Variants in KIF4A observed in about 807,000 individuals in gnomAD.
The protein encoded by KIF4A is chromosome-associated kinesin KIF4A.
A neutral mutation model predicts 105.9 loss-of-function variants in KIF4A; 7 were observed. That is an observed-to-expected ratio of 0.07 (90% CI 0.04 to 0.12). The LOEUF (loss-of-function observed/expected upper bound fraction) is 0.12, where lower values mean the gene tolerates loss of function less well. Ranked by LOEUF, KIF4A falls within the 10% of genes least tolerant of loss-of-function variation. KIF4A has a pLI of 1.00. For synonymous variants in KIF4A, 281 were observed against 331.3 expected (o/e 0.85, Z 1.65); for missense variants, 558 against 929.2 (o/e 0.60, Z 5.19).
intron 7 of KIF4A, among the ~76,000 whole-genome samples, chrX:70,305,254 AAGG>A (rs755293873): frequency 7.2e-5 from 8 of 111,793 alleles, no homozygotes; most frequent in Non-Finnish European, 1.5e-4. Context: ...GTATGTTCAC[AAGG>A]AGTTGTATAA....
intron 15 of KIF4A, among the ~76,000 whole-genome samples, chrX:70,357,733 G>T (rs1025268536): frequency 6.2e-5 from 7 of 112,129 alleles, no homozygotes; most frequent in Admixed American, 2.8e-4. Flanking sequence ...TTGCTCCATT[G>T]TCTTCTGTTT....
At chrX:70,299,875 A>G (rs902683200) in intron 5 of KIF4A, among the ~76,000 whole-genome samples, 3 of 112,075 alleles carry the variant, frequency 2.7e-5, no homozygotes, top group Non-Finnish European at 3.8e-5. Context: ...CTTCTGTCAG[A>G]TGGTATAGAT....
Position 70,341,913 on chromosome X carries a change from G to A in KIF4A, c.1248G>A (p.Met416Ile). The change falls in exon 11 of 31, where the codon ATG (methionine) becomes ATA (isoleucine). Residue 416 changes from methionine to isoleucine, a missense_variant. By Grantham distance (10) the Met-to-Ile change is conservative. This residue lies in a region of KIF4A where 469 missense variants were observed against 680.4 expected (regional missense o/e 0.69). Transcript: ENST00000374403. ...LSEAAGQTAQ[M>I]LERIILTEQA... ...AGGCAGCTGGTCAGACAGCCCAGAT[G>A]TTGGAGAGGATCATTTTGGTAAGCC... 1 of 1,209,581 alleles carries A rather than the reference G, an allele frequency of 8.3e-7. No homozygotes were observed. Among genetic ancestry groups the A allele is most frequent in the Non-Finnish European group, 1.1e-6 (1 of 894,723 alleles).
At chrX:70,299,268 C>A in intron 5 of KIF4A, 66 bp downstream of exon 5, 6 of 872,858 alleles carry the variant, frequency 6.9e-6, no homozygotes, top group Non-Finnish European at 9.7e-6. Context: ...AGTTCACATC[C>A]CTTTTATCTG....
At chrX:70,365,854 C>T (rs2147713604) in intron 15 of KIF4A, among the ~76,000 whole-genome samples, 1 of 111,726 alleles carries the variant, frequency 9.0e-6, no homozygotes, top group African/African-American at 3.3e-5. Context: ...TAGAATTCGG[C>T]TGTGAATCCA....
At position 70,419,884 on chromosome X, in the gene KIF4A, T is replaced by TA. The variant is rs1056549628; in HGVS notation, c.3495+103dup. The TA allele has an allele frequency of 4.5e-6, 5 of 1,107,884 alleles. No individual in the cohort carries two copies. In the African/African-American group the frequency reaches 9.2e-5, roughly 20 times the overall value. 91.3% of individuals were successfully genotyped at this position (1,107,884 alleles called of 1,213,427 possible). A position where few individuals can be genotyped will look rare whatever the true frequency, so the allele number is the denominator to read the frequency against. On this transcript the variant is annotated intron_variant, in intron 30 of 30. Transcript: ENST00000374403. ...GAGAGAGGCAGGTGGAGTAAAGGTG[T>TA]AATCAGCTTGCTGGGAACTAGGGAT...
intron 18 of KIF4A, among the ~76,000 whole-genome samples, chrX:70,376,963 A>G (rs1342995759): frequency 8.9e-6 from 1 of 112,193 alleles, no homozygotes; most frequent in Non-Finnish European, 1.9e-5. Context: ...GCCTGAATAT[A>G]CATCTGACAA....
At chrX:70,394,265 G>A (rs549887616) in intron 20 of KIF4A, among the ~76,000 whole-genome samples, 5 of 108,349 alleles carry the variant, frequency 4.6e-5, no homozygotes, top group Middle Eastern at 9.4e-3. Flanking sequence ...GTGCAGTGGC[G>A]TGACCATAGT....
intron 13 of KIF4A, among the ~76,000 whole-genome samples, chrX:70,350,361 T>G: frequency 8.9e-6 from 1 of 111,856 alleles, no homozygotes; most frequent in East Asian, 2.8e-4. Context: ...GGCGGGTGCC[T>G]GCATTCCCAG....
At chrX:70,368,587 G>A (rs1054392550) in intron 15 of KIF4A, among the ~76,000 whole-genome samples, 7 of 111,833 alleles carry the variant, frequency 6.3e-5, no homozygotes, top group East Asian at 2.8e-4. Context: ...ACCAAATGTC[G>A]CTGCCTGATC....
At chrX:70,290,349 C>T (rs1309116839) in intron 1 of KIF4A, 89 bp from the exon 2 acceptor site, 1 of 1,066,944 alleles carries the variant, frequency 9.4e-7, no homozygotes, top group Non-Finnish European at 1.3e-6. Context: ...AGTGTTCCCG[C>T]TGAGGAGGGT....
chrX:70,392,836 TTATAA>T (rs2086242392), intron 20 of KIF4A, among the ~76,000 whole-genome samples: 1 of 105,304 alleles, frequency 9.5e-6, no homozygotes, highest in Non-Finnish European at 1.9e-5. Flanking sequence ...CACTCTGATC[TTATAA>T]TAATAATAAT....
chrX:70,410,183 C>T (rs1158220418), intron 28 of KIF4A, among the ~76,000 whole-genome samples: 2 of 111,890 alleles, frequency 1.8e-5, no homozygotes, highest in African/African-American at 6.5e-5. Flanking sequence ...GATCAGACTG[C>T]TTGCAGACAT....
At chrX:70,302,430 T>C (rs774701452) in intron 7 of KIF4A, 32 bp downstream of exon 7, 1 of 1,173,675 alleles carries the variant, frequency 8.5e-7, no homozygotes, top group Non-Finnish European at 1.2e-6. Flanking sequence ...CAGTTGTAGA[T>C]TAAAAACTTC....
chrX:70,400,359 T>A (rs2086276685), intron 22 of KIF4A, among the ~76,000 whole-genome samples: 1 of 111,787 alleles, frequency 8.9e-6, no homozygotes, highest in African/African-American at 3.3e-5. Flanking sequence ...GAACTCATCA[T>A]TTTTTATGGC....
intron 30 of KIF4A, 57 bp from the exon 31 acceptor site, chrX:70,420,005 G>T: frequency 9.1e-7 from 1 of 1,099,554 alleles, no homozygotes; most frequent in Non-Finnish European, 1.2e-6. Flanking sequence ...CAGCTCGGCT[G>T]GGCTGAGCTT....
At chrX:70,414,767 A>G (rs748470785) in intron 28 of KIF4A, among the ~76,000 whole-genome samples, 71 of 111,842 alleles carry the variant, frequency 6.3e-4, no homozygotes, top group Admixed American at 1.0e-3. Flanking sequence ...GTTATATAGA[A>G]ACTATTATCA....
rs138952839 is a variant in KIF4A, at chrX:70,370,154, T to C, written c.1675-3997T>C. ...TATAGATTTGTATAAGTGCACACTA[T>C]CATGTTCACACAATGATGAAATTGC... is the stretch of plus-strand genomic sequence containing the variant. On this transcript the variant is annotated intron_variant, in intron 15 of 30. Transcript: ENST00000374403. 1.8e-3 allele frequency among the ~76,000 whole-genome samples: 196 copies of C among 111,538 alleles called. 1 individual carries two copies. Among genetic ancestry groups the C allele is most frequent in the Non-Finnish European group, 2.5e-3 (135 of 53,110 alleles).
chrX:70,290,952 C>T (rs2147654413), intron 3 of KIF4A, 147 bp downstream of exon 3: 1 of 447,826 alleles, frequency 2.2e-6, no homozygotes, highest in African/African-American at 2.5e-5. Context: ...TAACATTTGT[C>T]AACGTCTCTG....
Sources: gnomAD v4.1 joint callset for allele counts (sites outside exome capture counted in the v4.1 genomes callset) on GRCh38, gnomAD v4.1.1 for gene constraint, gnomAD v4.1.1 regional missense constraint, MANE v1.5 for transcripts, NCBI Gene and HGNC (gene_info 2026-07-23, HGNC 2026-07-21) for gene names.